PPFIA4: variants seen among roughly 807,000 people sequenced by gnomAD.
PPFIA4 encodes liprin-alpha-4.
Under a neutral mutation model 145.7 loss-of-function variants are expected in PPFIA4, and 98 were observed. That is an observed-to-expected ratio of 0.67 (90% CI 0.57 to 0.80). PPFIA4 has a LOEUF of 0.80. Among genes scored for constraint, PPFIA4 ranks in the 30% least tolerant of loss-of-function variants. PPFIA4 has a pLI of 0.00. For missense variants in PPFIA4, 1,457 were observed against 1,632.7 expected, an observed-to-expected ratio of 0.89 and a Z score of 1.85; for synonymous variants, 628 against 649.6, an observed-to-expected ratio of 0.97 and a Z score of 0.51.
intron 5 of PPFIA4, 37 bp from the exon 6 acceptor site, chr1:203,044,659 C>T: frequency 6.6e-7 from 1 of 1,526,138 alleles, no homozygotes; most frequent in Middle Eastern, 1.7e-4. Context: ...AGGTTCTCTT[C>T]TCTTTGACTC....
At position 203,055,100 on chromosome 1, in the gene PPFIA4, TA is replaced by T. The variant is rs1014728594; in HGVS notation, c.1830-331del. ...CTGCTGACTTATACCACTTCAGACA[TA>T]GCATATGTTGGGAAACTGAGGCACA... is the stretch of plus-strand genomic sequence containing the variant. On this transcript the variant is annotated intron_variant, in intron 15 of 29. Transcript: ENST00000295706. The surrounding 1 kb of genome is among the most constrained non-coding windows in gnomAD (Gnocchi z 4.8). Among the ~76,000 whole-genome samples the T allele has an allele frequency of 3.3e-5, 5 of 152,348 alleles. No homozygotes were observed. The highest frequency in any genetic ancestry group is 1.2e-4 in the African/African-American group (5 of 41,586).
chr1:203,067,849 C>T, intron 26 of PPFIA4, 57 bp downstream of exon 26: 1 of 1,509,094 alleles, frequency 6.6e-7, no homozygotes, highest in Non-Finnish European at 9.2e-7. Context: ...TGGTCCCTGC[C>T]TTGGGCCAAG....
chr1:203,049,674 A>T lies in PPFIA4; in HGVS notation c.1420-2A>T. 1 of 1,500,082 alleles carries T rather than the reference A, an allele frequency of 6.7e-7. No homozygotes were observed. The highest frequency in any genetic ancestry group is 8.9e-7 in the Non-Finnish European group (1 of 1,118,660). 92.9% of individuals were successfully genotyped at this position (1,500,082 alleles called of 1,614,324 possible). A position where few individuals can be genotyped will look rare whatever the true frequency, so the allele number is the denominator to read the frequency against. On this transcript the variant is annotated splice_acceptor_variant, in intron 12 of 29. Transcript: ENST00000295706. LOFTEE classifies it high-confidence loss of function. ...GCCCCCACCCCGGGTCTGCTGGCAC[A>T]GGGCCGCCTGTCTGAAGAGATTGAG...
At position 203,032,591 on chromosome 1, in the gene PPFIA4, G is replaced by A. The variant is rs187711416; in HGVS notation, c.-400+5962G>A. ...GGACTGTAGTCTGTAGACGCATGCC[G>A]CTGTGCCCAGCTAACATTTTTTTTT... On this transcript the variant is annotated intron_variant, in intron 1 of 29. Coordinates refer to ENST00000295706, the MANE Select transcript of PPFIA4 (RefSeq NM_001304331.2). 2.6e-3 allele frequency among the ~76,000 whole-genome samples: 381 copies of A among 147,362 alleles called. 1 individual carries two copies. Among genetic ancestry groups the A allele is most frequent in the African/African-American group, 8.9e-3 (357 of 39,980 alleles).
Position 203,053,812 on chromosome 1 carries a change from CA to C in PPFIA4, c.1681del (p.Ser561ValfsTer36). 6.4e-7 allele frequency: 1 copy of C among 1,553,262 alleles called. No individual in the cohort carries two copies. The highest frequency in any genetic ancestry group is 8.7e-7 in the Non-Finnish European group (1 of 1,147,918). On this transcript the variant is annotated frameshift_variant, in exon 15 of 30. Transcript: ENST00000295706. LOFTEE classifies it high-confidence loss of function. ...CCCCGGCAGCTGGCCCTGCCTTTGA[CA>C]GTGACCCTGAGATCTCCGACGTGGA... ...LAPAAGPAFD[S>X]DPEISDVDED... is the part of the protein sequence containing the mutation.
intron 13 of PPFIA4, 100 bp downstream of exon 13, chr1:203,049,867 T>A: frequency 9.4e-7 from 1 of 1,065,266 alleles, no homozygotes; most frequent in Non-Finnish European, 1.3e-6. Flanking sequence ...GACCTCAGGG[T>A]CCTCCTCCTG....
At position 203,059,252 on chromosome 1, in the gene PPFIA4, G is replaced by C. The variant is rs1305251903; in HGVS notation, c.2482G>C (p.Asp828His). 1 of 1,539,926 alleles carries C rather than the reference G, an allele frequency of 6.5e-7. No individual in the cohort carries two copies. The highest frequency in any genetic ancestry group is 1.9e-5 in the Admixed American group (1 of 53,318). The stretch of plus-strand genomic sequence containing the variant: ...CAAGCTGGGGACCCAGGCAGAGAAG[G>C]ACCGGCGGCTAAAGAAGAAGTAAGA... ...PAKLGTQAEK[D>H]RRLKKKHQLL... Residue 828 changes from aspartate to histidine, a missense_variant, in exon 20 of 30, where the codon GAC (aspartate) becomes CAC (histidine). Transcript: ENST00000295706.
At chr1:203,061,365 C>A in intron 23 of PPFIA4, 1 of 524,014 alleles carries the variant, frequency 1.9e-6, no homozygotes, top group East Asian at 3.3e-5. Flanking sequence ...TGCTTCCTCC[C>A]TGGTGGAGGA....
At chr1:203,050,227 C>T (rs549161762) in intron 13 of PPFIA4, among the ~76,000 whole-genome samples, 1 of 152,224 alleles carries the variant, frequency 6.6e-6, no homozygotes, top group South Asian at 2.1e-4. Context: ...AACTTCCTTA[C>T]TGGAAGTTGA....
chr1:203,056,654 T>C (rs1407135620), intron 18 of PPFIA4, 130 bp from the exon 19 acceptor site: 1 of 1,317,094 alleles, frequency 7.6e-7, no homozygotes, highest in African/African-American at 1.5e-5. Flanking sequence ...AGGGAGTTCA[T>C]GTGTCTCCTT....
At position 203,060,342 on chromosome 1, in the gene PPFIA4, C is replaced by T; in HGVS notation, c.2709C>T (p.His903=). The T allele has an allele frequency of 6.2e-7, 1 of 1,614,066 alleles. No homozygotes were observed. Among genetic ancestry groups the T allele is most frequent in the Non-Finnish European group, 8.5e-7 (1 of 1,179,924 alleles). The stretch of plus-strand genomic sequence containing the variant: ...AGATCGGCATCAGCAATGCCCTGCA[C>T]CGGCTCAAGCTCCGCCTGGCCATTC... ...QREIGISNAL[H]RLKLRLAIQE... The change falls in exon 22 of 30, where the codon CAC becomes CAT. Residue 903 remains histidine (H), a synonymous_variant. Transcript: ENST00000295706. The surrounding 1 kb of genome is among the most constrained non-coding windows in gnomAD (Gnocchi z 4.8).
chr1:203,056,196 G>T (rs1223793475), intron 17 of PPFIA4, 41 bp downstream of exon 17: 1 of 1,613,334 alleles, frequency 6.2e-7, no homozygotes, highest in Non-Finnish European at 8.5e-7. Flanking sequence ...CGGGTTCACT[G>T]CTCCCATGCC....
chr1:203,065,295 C>T (rs1312508294), intron 25 of PPFIA4, among the ~76,000 whole-genome samples: 5 of 152,144 alleles, frequency 3.3e-5, no homozygotes, highest in South Asian at 2.1e-4. Flanking sequence ...GAGGGAAGAC[C>T]GCATCCTCCC....
chr1:203,061,955 A>G (rs1440823190), intron 24 of PPFIA4, among the ~76,000 whole-genome samples: 1 of 151,880 alleles, frequency 6.6e-6, no homozygotes, highest in Admixed American at 6.6e-5. Flanking sequence ...GAATAATCAG[A>G]CCTAGATTAG....
intron 19 of PPFIA4, among the ~76,000 whole-genome samples, chr1:203,057,490 G>A (rs1244888809): frequency 1.3e-5 from 2 of 152,170 alleles, no homozygotes; most frequent in Non-Finnish European, 2.9e-5. Context: ...TACATGCTTG[G>A]CATGTGGTGA....
chr1:203,044,428 A>G lies in PPFIA4; in HGVS notation c.551A>G (p.Glu184Gly). Residue 184 changes from glutamate (E) to glycine (G), a missense_variant, in exon 5 of 30, where the codon GAG becomes GGG. Around this residue, in one of 3 missense-constraint regions of PPFIA4, gnomAD observed 463 missense variants for 459.8 expected, o/e 1.01. Transcript: ENST00000295706. Reference sequence around the variant, plus strand: ...CTGGAGCGAGTCACCACCTTGGAGGAGCAGCTGGCAGGTGCCCACCAGCAG... The same window carrying G: ...CTGGAGCGAGTCACCACCTTGGAGGGGCAGCTGGCAGGTGCCCACCAGCAG... ...AALERVTTLE[E>G]QLAGAHQQVS... The G allele has an allele frequency of 6.4e-7, 1 of 1,551,452 alleles. No homozygotes were observed. Among genetic ancestry groups the G allele is most frequent in the Non-Finnish European group, 8.7e-7 (1 of 1,147,550 alleles).
In PPFIA4 at chr1:203,032,344, G is replaced by C. The variant is rs186463149; in HGVS notation, c.-400+5715G>C. On this transcript the variant is annotated intron_variant, in intron 1 of 29. Transcript: ENST00000295706. ...CCAGTCTTAAGTTAAAAAGGTAGGT[G>C]TGATGTCTATAATTTTGGGTATTTC... Among the ~76,000 whole-genome samples the C allele has an allele frequency of 7.7e-3, 1,172 of 151,858 alleles. 22 individuals carry two copies. The highest frequency in any genetic ancestry group is 0.027 in the African/African-American group (1,134 of 41,410).
rs1411482917 is a variant in PPFIA4, at chr1:203,045,406, G to A, written c.705G>A (p.Leu235=). The change falls in exon 7 of 30, where the codon CTG becomes CTA. Residue 235 remains leucine, a synonymous_variant. Transcript: ENST00000295706. ...TGRVEELQEL[L]EKQNFELSQA... is the part of the protein sequence containing the mutation. ...GGGTAGAGGAGCTGCAGGAGCTCCT[G>A]GAGAAGCAGAACTTTGAGTTGAGCC... 4 of 1,608,034 alleles carry A rather than the reference G, an allele frequency of 2.5e-6. No individual in the cohort carries two copies. The highest frequency in any genetic ancestry group is 3.4e-5 in the Admixed American group (2 of 59,352).
Position 203,049,661 on chromosome 1 carries a change from G to T in PPFIA4, c.1420-15G>T. 1.3e-6 allele frequency: 2 copies of T among 1,500,374 alleles called. No homozygotes were observed. The highest frequency in any genetic ancestry group is 1.8e-6 in the Non-Finnish European group (2 of 1,119,238). The allele number at this position is 1,500,374 out of a possible 1,614,324, so 92.9% of individuals were successfully genotyped here. On this transcript the variant is annotated splice_polypyrimidine_tract_variant and intron_variant, in intron 12 of 29. Coordinates refer to ENST00000295706, the MANE Select transcript of PPFIA4 (RefSeq NM_001304331.2). ...GGCCCCCACTCCCGCCCCCACCCCG[G>T]GTCTGCTGGCACAGGGCCGCCTGTC...
Sources: allele counts gnomAD v4.1 joint callset (sites outside exome capture counted in the v4.1 genomes callset), GRCh38; gene constraint gnomAD v4.1.1; regional missense constraint gnomAD v4.1.1; non-coding constraint Gnocchi (gnomAD v3.1); transcripts MANE v1.5; gene names NCBI Gene and HGNC (gene_info 2026-07-23, HGNC 2026-07-21).